Variants in EFR3A observed in about 807,000 individuals in gnomAD.
EFR3A encodes the protein protein EFR3 homolog A.
Under a neutral mutation model 104.4 loss-of-function variants are expected in EFR3A, and 76 were observed. That is an observed-to-expected ratio of 0.73 (90% confidence interval 0.60 to 0.88). EFR3A has a LOEUF of 0.88. EFR3A is among the 40% of genes least tolerant of loss of function. The pLI, the probability that EFR3A is intolerant of heterozygous loss-of-function variation, is 0.00. For synonymous variants in EFR3A, 330 were observed against 330.0 expected (o/e 1.00, Z 0.00); for missense variants, 985 against 1,012.5 (o/e 0.97, Z 0.37).
chr8:131,999,884 A>C (rs1278801457), intron 19 of EFR3A, among the ~76,000 whole-genome samples: 1 of 152,116 alleles, frequency 6.6e-6, no homozygotes, highest in African/African-American at 2.4e-5. Context: ...AAGTGTGACA[A>C]GGCTAAATTA....
intron 1 of EFR3A, among the ~76,000 whole-genome samples, chr8:131,924,482 G>A (rs1817202271): frequency 6.6e-6 from 1 of 152,068 alleles, no homozygotes; most frequent in South Asian, 2.1e-4. Context: ...TTTGAGGAGA[G>A]ACAAGTATAT....
chr8:131,962,624 C>A (rs527527561), intron 8 of EFR3A, among the ~76,000 whole-genome samples: 1 of 152,168 alleles, frequency 6.6e-6, no homozygotes, highest in South Asian at 2.1e-4. Context: ...ACTTTAACAC[C>A]CCACTGTCAA....
At chr8:131,988,467 A>G (rs1821010041) in intron 18 of EFR3A, among the ~76,000 whole-genome samples, 2 of 152,140 alleles carry the variant, frequency 1.3e-5, no homozygotes, top group South Asian at 4.1e-4. Context: ...AATAACATGG[A>G]TCCAAAATAT....
intron 5 of EFR3A, among the ~76,000 whole-genome samples, chr8:131,952,645 A>G (rs1818767579): frequency 6.6e-6 from 1 of 152,180 alleles, no homozygotes; most frequent in Non-Finnish European, 1.5e-5. Flanking sequence ...CCACTGTGAT[A>G]GCTGCACGAG....
At chr8:131,907,081 T>C (rs1469522144) in intron 1 of EFR3A, among the ~76,000 whole-genome samples, 1 of 152,176 alleles carries the variant, frequency 6.6e-6, no homozygotes, top group Non-Finnish European at 1.5e-5. Context: ...ACAGTGAGCA[T>C]AGTAACATTA....
At position 132,013,439 on chromosome 8, in the gene EFR3A, T is replaced by C. The variant is rs1210944377; in HGVS notation, c.*2544T>C. 6.6e-6 allele frequency: 1 copy of C among 152,608 alleles called. No homozygotes were observed. The highest frequency in any genetic ancestry group is 1.5e-5 in the Non-Finnish European group (1 of 68,034). The allele number at this position is 152,608 out of a possible 1,614,324, so 9.5% of individuals were successfully genotyped here. A position where few individuals can be genotyped will look rare whatever the true frequency, so the allele number is the denominator to read the frequency against. Reference sequence around the variant, plus strand: ...TAACTTCTCCCTACCCAAAATGTTTTTCTTCCTGTCTGAAAATGGAACTAA... The same window carrying C: ...TAACTTCTCCCTACCCAAAATGTTTCTCTTCCTGTCTGAAAATGGAACTAA... On this transcript the variant is annotated 3_prime_UTR_variant, in exon 23 of 23. Transcript: ENST00000254624.
intron 1 of EFR3A, among the ~76,000 whole-genome samples, chr8:131,907,074 G>A (rs1762670978): frequency 6.6e-6 from 1 of 152,180 alleles, no homozygotes; most frequent in Non-Finnish European, 1.5e-5. Context: ...AGTAACCACA[G>A]TGAGCATAGT....
At chr8:131,912,527 A>G (rs977215637) in intron 1 of EFR3A, among the ~76,000 whole-genome samples, 1 of 152,144 alleles carries the variant, frequency 6.6e-6, no homozygotes, top group Non-Finnish European at 1.5e-5. Flanking sequence ...GCATTTTTAG[A>G]AAGCAATATA....
At chr8:132,004,009 G>A (rs1263434132) in intron 22 of EFR3A, among the ~76,000 whole-genome samples, 1 of 152,044 alleles carries the variant, frequency 6.6e-6, no homozygotes, top group African/African-American at 2.4e-5. Flanking sequence ...AATTAAGTCT[G>A]TTTTTCTTCA....
chr8:131,949,949 A>G lies in EFR3A; in HGVS notation c.367-20A>G, dbSNP rs1427243119. ...ACTTCTGAAGAAGGTGAAGTATATT[A>G]TATTATTTGTGTTTTTTAGTTTGTC... On this transcript the variant is annotated intron_variant, in intron 4 of 22. Coordinates refer to ENST00000254624, the MANE Select transcript of EFR3A (RefSeq NM_015137.6). 61 of 1,566,866 alleles carry G rather than the reference A, an allele frequency of 3.9e-5. No homozygotes were observed. Among genetic ancestry groups the G allele is most frequent in the Non-Finnish European group, 5.2e-5 (60 of 1,156,498 alleles).
chr8:131,940,106 A>T lies in EFR3A; in HGVS notation c.11-393A>T, dbSNP rs114467713. On this transcript the variant is annotated intron_variant, in intron 1 of 22. Transcript: ENST00000254624. ...AACAGTGAGAGTTAAGATCCAAAGG[A>T]GGGGGTCTAGCTGGTTAGAATTAGC... 889 of 178,272 alleles carry T rather than the reference A, an allele frequency of 5.0e-3. 11 individuals carry two copies. The highest frequency in any genetic ancestry group is 0.02 in the African/African-American group (865 of 42,294). 11.0% of individuals were successfully genotyped at this position (178,272 alleles called of 1,614,324 possible).
At chr8:131,988,509 C>G (rs1821012472) in intron 18 of EFR3A, among the ~76,000 whole-genome samples, 1 of 151,834 alleles carries the variant, frequency 6.6e-6, no homozygotes, top group South Asian at 2.1e-4. Flanking sequence ...TTGTTCATAA[C>G]AGTCTGAGAT....
intron 4 of EFR3A, among the ~76,000 whole-genome samples, chr8:131,946,869 G>C (rs1818467316): frequency 6.6e-6 from 1 of 152,148 alleles, no homozygotes; most frequent in Admixed American, 6.6e-5. Flanking sequence ...ATGCATACTT[G>C]TCATTTTTAT....
At chr8:132,007,586 A>G (rs1309327183) in intron 22 of EFR3A, among the ~76,000 whole-genome samples, 4 of 151,958 alleles carry the variant, frequency 2.6e-5, no homozygotes, top group African/African-American at 9.7e-5. Context: ...CAAAACCCCA[A>G]CAGACTTTTT....
At chr8:131,974,813 A>G (rs1820239796) in intron 10 of EFR3A, among the ~76,000 whole-genome samples, 1 of 152,244 alleles carries the variant, frequency 6.6e-6, no homozygotes, top group Non-Finnish European at 1.5e-5. Context: ...CCTAAGTCCA[A>G]TCAAAATGAT....
intron 5 of EFR3A, among the ~76,000 whole-genome samples, chr8:131,952,179 G>A (rs903034892): frequency 8.5e-5 from 13 of 152,056 alleles, no homozygotes; most frequent in Admixed American, 6.6e-4. Context: ...CATCCTCGTC[G>A]TGGTTAGCAA....
intron 18 of EFR3A, among the ~76,000 whole-genome samples, chr8:131,989,308 A>C (rs939836251): frequency 1.3e-5 from 2 of 152,216 alleles, no homozygotes; most frequent in East Asian, 1.9e-4. Flanking sequence ...ATTTAAGAAC[A>C]ATGTATTAAA....
Position 131,991,507 on chromosome 8 carries a change from A to G in EFR3A, c.2065+3805A>G, listed in dbSNP as rs117365942. ...TTTGGAGATAAACCTCTTGTTGAGT[A>G]TCTTTGACAGTGGAACATGCAAGTA... On this transcript the variant is annotated intron_variant, in intron 18 of 22. Transcript: ENST00000254624. 1.1e-3 allele frequency among the ~76,000 whole-genome samples: 161 copies of G among 152,298 alleles called. 4 individuals carry two copies. In the East Asian group the frequency reaches 0.025, roughly 24 times the overall value.
chr8:131,919,050 T>C (rs1816872170), intron 1 of EFR3A, among the ~76,000 whole-genome samples: 1 of 152,036 alleles, frequency 6.6e-6, no homozygotes, highest in African/African-American at 2.4e-5. Context: ...TATGGTGCCT[T>C]ACTTTGTTTA....
Sources: allele counts gnomAD v4.1 joint callset (sites outside exome capture counted in the v4.1 genomes callset), GRCh38; gene constraint gnomAD v4.1.1; transcripts MANE v1.5; gene names NCBI Gene and HGNC (gene_info 2026-07-23, HGNC 2026-07-21).